Variants in RBMS3 observed in about 807,000 individuals in gnomAD.
The protein encoded by RBMS3 is RNA-binding motif, single-stranded-interacting protein 3.
In RBMS3, 27 loss-of-function variants were observed where a neutral mutation model predicts 66.8. The ratio of observed to expected loss-of-function variants is 0.40; its 90% CI spans 0.30 to 0.56. The LOEUF (loss-of-function observed/expected upper bound fraction) is 0.56, where lower values mean the gene tolerates loss of function less well. Ranked by LOEUF, RBMS3 falls within the 20% of genes least tolerant of loss-of-function variation. RBMS3 has a pLI of 0.40. For missense variants in RBMS3, 513 were observed against 549.5 expected (o/e 0.93, Z 0.66); for synonymous variants, 188 against 183.0 (o/e 1.03, Z -0.22).
chr3:29,724,044 C>A (rs2053753956), intron 4 of RBMS3, among the ~76,000 whole-genome samples: 1 of 151,490 alleles, frequency 6.6e-6, no homozygotes, highest in Non-Finnish European at 1.5e-5. Flanking sequence ...ATTAATGAGC[C>A]CAGTAATAAA....
At chr3:29,312,262 C>A (rs2034423290) in intron 1 of RBMS3, among the ~76,000 whole-genome samples, 1 of 145,910 alleles carries the variant, frequency 6.9e-6, no homozygotes, top group South Asian at 2.3e-4. Context: ...TCCAACACAG[C>A]CAGTTATTTT....
chr3:29,590,090 A>ATT (rs4016341), intron 4 of RBMS3, among the ~76,000 whole-genome samples: 27 of 150,820 alleles, frequency 1.8e-4, no homozygotes, highest in East Asian at 5.9e-4. Context: ...GAGTTTATTT[A>ATT]TTTTTTTTTG....
chr3:29,526,481 A>G (rs2045107978), intron 3 of RBMS3, among the ~76,000 whole-genome samples: 2 of 130,254 alleles, frequency 1.5e-5, no homozygotes, highest in African/African-American at 5.8e-5. Context: ...AGATCGCGCC[A>G]CTGCACTCCA....
rs979896285 is a variant in RBMS3, at chr3:30,008,448, C to T, written c.*4586C>T. The T allele has an allele frequency of 3.9e-5, 6 of 152,028 alleles. No homozygotes were observed. In the East Asian group the frequency reaches 1.2e-3, roughly 29 times the overall value. 9.4% of individuals were successfully genotyped at this position (152,028 alleles called of 1,614,324 possible). A position where few individuals can be genotyped will look rare whatever the true frequency, so the allele number is the denominator to read the frequency against. On this transcript the variant is annotated 3_prime_UTR_variant, in exon 15 of 15. Transcript: ENST00000383767. ...ACAACATTCAGCACATTTGAGGAAT[C>T]ACACACTATAATAAAGCTTAAACCT...
At chr3:29,906,351 C>CATGGCAGA (rs1288576285) in intron 10 of RBMS3, among the ~76,000 whole-genome samples, 1 of 152,026 alleles carries the variant, frequency 6.6e-6, no homozygotes, top group African/African-American at 2.4e-5. Context: ...TATGTCATAA[C>CATGGCAGA]ATGGCAGAAG....
chr3:29,690,272 A>G (rs1194373520), intron 4 of RBMS3, among the ~76,000 whole-genome samples: 5 of 151,310 alleles, frequency 3.3e-5, no homozygotes, highest in African/African-American at 1.2e-4. Flanking sequence ...CAACATGGTG[A>G]GATCTTGTGT....
chr3:29,883,709 G>A (rs1318787714), intron 7 of RBMS3, among the ~76,000 whole-genome samples: 2 of 151,866 alleles, frequency 1.3e-5, no homozygotes, highest in East Asian at 3.9e-4. Flanking sequence ...TTAGGCATAT[G>A]GTCTATTTTT....
intron 5 of RBMS3, among the ~76,000 whole-genome samples, chr3:29,740,531 C>T (rs1266688306): frequency 6.6e-6 from 1 of 152,156 alleles, no homozygotes; most frequent in Non-Finnish European, 1.5e-5. Flanking sequence ...AAGAGGATTT[C>T]AGCCAGGAAT....
intron 3 of RBMS3, among the ~76,000 whole-genome samples, chr3:29,504,498 G>C (rs1167752439): frequency 6.6e-6 from 1 of 151,842 alleles, no homozygotes; most frequent in South Asian, 2.1e-4. Flanking sequence ...ATTAAAAAAG[G>C]TTCTGAAGGT....
In RBMS3 at chr3:29,936,081, T is replaced by C. The variant is rs751296095; in HGVS notation, c.940-5T>C. 6.2e-7 allele frequency: 1 copy of C among 1,610,618 alleles called. No individual in the cohort carries two copies. The highest frequency in any genetic ancestry group is 8.5e-7 in the Non-Finnish European group (1 of 1,177,862). On this transcript the variant is annotated splice_region_variant and splice_polypyrimidine_tract_variant and intron_variant, in intron 10 of 14. Transcript: ENST00000383767. ...TTTTCAAATGGACATTGTATATGCTTGTAGGGTGCTGTGATTACACCAACC... is the reference window on the plus strand; with the variant it reads ...TTTTCAAATGGACATTGTATATGCTCGTAGGGTGCTGTGATTACACCAACC...
At chr3:29,297,976 G>T (rs1249394108) in intron 1 of RBMS3, among the ~76,000 whole-genome samples, 1 of 151,788 alleles carries the variant, frequency 6.6e-6, no homozygotes, top group Non-Finnish European at 1.5e-5. Flanking sequence ...TTTCAGCTTA[G>T]CATTGAGCTT....
chr3:29,968,511 G>A (rs886454445), intron 12 of RBMS3, among the ~76,000 whole-genome samples: 12 of 152,158 alleles, frequency 7.9e-5, no homozygotes, highest in African/African-American at 2.9e-4. Flanking sequence ...TGAGCTCCCA[G>A]GGCCTTTCTG....
intron 6 of RBMS3, among the ~76,000 whole-genome samples, chr3:29,768,556 A>C (rs574784644): frequency 7.2e-4 from 109 of 152,114 alleles, no homozygotes; most frequent in Non-Finnish European, 1.2e-3. Context: ...GATGCAACCT[A>C]GAAGCATCTT....
chr3:29,997,613 T>A (rs1160550314), intron 14 of RBMS3, among the ~76,000 whole-genome samples: 4 of 151,326 alleles, frequency 2.6e-5, no homozygotes, highest in Admixed American at 6.6e-5. Flanking sequence ...GCTGGTTCAA[T>A]ATACGCAAAT....
chr3:29,823,155 C>T (rs1005603244), intron 6 of RBMS3, among the ~76,000 whole-genome samples: 1 of 152,084 alleles, frequency 6.6e-6, no homozygotes, highest in Non-Finnish European at 1.5e-5. Flanking sequence ...TATAAATATA[C>T]AGTAAGACAC....
chr3:29,429,353 C>T (rs1444738762), intron 1 of RBMS3, among the ~76,000 whole-genome samples: 1 of 152,144 alleles, frequency 6.6e-6, no homozygotes, highest in Non-Finnish European at 1.5e-5. Flanking sequence ...TATTTCATTT[C>T]CTAAAGAGGA....
rs59625519 is a variant in RBMS3, at chr3:29,481,009, C to T, written c.249-7432C>T. On this transcript the variant is annotated intron_variant, in intron 2 of 14. Coordinates refer to ENST00000383767, the MANE Select transcript of RBMS3 (RefSeq NM_001003793.3). ...GCAGAGCCTGGACTCTGTAGCTGGT[C>T]TGTCTGAGATTGGATCCTGCTTTTG... Among the ~76,000 whole-genome samples the T allele has an allele frequency of 9.6e-3, 1,462 of 152,254 alleles. 22 individuals carry two copies. The highest frequency in any genetic ancestry group is 0.03 in the African/African-American group (1,239 of 41,552).
chr3:29,577,065 A>C (rs2047145541), intron 3 of RBMS3, among the ~76,000 whole-genome samples: 1 of 152,206 alleles, frequency 6.6e-6, no homozygotes, highest in African/African-American at 2.4e-5. Context: ...CATAGCAAAC[A>C]ACCTGGGTTT....
rs576211651 is a variant in RBMS3, at chr3:29,994,599, C to A, written c.1307+3390C>A. On this transcript the variant is annotated intron_variant, in intron 14 of 14. Coordinates refer to ENST00000383767, the MANE Select transcript of RBMS3 (RefSeq NM_001003793.3). ...TGGAGATCTGAGAATGGGCAGACTG[C>A]CTCCTCAAGTGGGTCCCTGACCCCC... 8.5e-3 allele frequency among the ~76,000 whole-genome samples: 1,296 copies of A among 152,362 alleles called. 7 individuals are homozygous for A. The highest frequency in any genetic ancestry group is 0.017 in the Middle Eastern group (5 of 294).
Sources: gnomAD v4.1 joint callset for allele counts (sites outside exome capture counted in the v4.1 genomes callset) on GRCh38, gnomAD v4.1.1 for gene constraint, MANE v1.5 for transcripts, NCBI Gene and HGNC (gene_info 2026-07-23, HGNC 2026-07-21) for gene names.